LARS1: variants seen among roughly 807,000 people sequenced by gnomAD.
LARS1 encodes leucine--tRNA ligase, cytoplasmic.
In LARS1, 100 loss-of-function variants were observed where a neutral mutation model predicts 162.8. The ratio of observed to expected loss-of-function variants is 0.61; its 90% CI spans 0.52 to 0.73. The LOEUF (loss-of-function observed/expected upper bound fraction) is 0.73. Among genes scored for constraint, LARS1 ranks in the 30% least tolerant of loss-of-function variants. LARS1 has a pLI of 0.00. For synonymous variants in LARS1, 457 were observed against 462.8 expected (o/e 0.99, Z 0.16); for missense variants, 1,258 against 1,408.9 (o/e 0.89, Z 1.71).
intron 6 of LARS1, among the ~76,000 whole-genome samples, chr5:146,162,974 T>C (rs1256858690): frequency 6.6e-6 from 1 of 152,168 alleles, no homozygotes; most frequent in Admixed American, 6.5e-5. Flanking sequence ...CATACCCAGC[T>C]AATTTTTGTA....
chr5:146,136,061 T>C (rs888046335), intron 21 of LARS1, among the ~76,000 whole-genome samples: 1 of 152,248 alleles, frequency 6.6e-6, no homozygotes, highest in African/African-American at 2.4e-5. Flanking sequence ...GTTGGAGTTA[T>C]GATTTTAGGA....
intron 1 of LARS1, chr5:146,179,724 T>C (rs1277935401): frequency 4.7e-6 from 2 of 423,964 alleles, no homozygotes; most frequent in Non-Finnish European, 9.4e-6. Flanking sequence ...CTCAGCCTCC[T>C]GAATAGCTGG....
intron 5 of LARS1, among the ~76,000 whole-genome samples, chr5:146,166,553 C>T (rs1017622655): frequency 6.6e-6 from 1 of 152,118 alleles, no homozygotes; most frequent in African/African-American, 2.4e-5. Flanking sequence ...AAACAAAAAG[C>T]TCAATGGTAT....
chr5:146,130,289 G>C (rs1422780525), intron 24 of LARS1, 131 bp from the exon 25 acceptor site: 1 of 850,372 alleles, frequency 1.2e-6, no homozygotes, highest in Non-Finnish European at 1.8e-6. Flanking sequence ...ACAAATTACT[G>C]TAAAGGTTTT....
intron 14 of LARS1, among the ~76,000 whole-genome samples, chr5:146,151,217 CA>C (rs529795623): frequency 6.6e-6 from 1 of 151,354 alleles, no homozygotes; most frequent in African/African-American, 2.4e-5. Flanking sequence ...TGTGTCACTT[CA>C]AAAAAAAGAA....
chr5:146,120,396 T>G lies in LARS1; in HGVS notation c.3300A>C (p.Leu1100Phe). The G allele has an allele frequency of 1.2e-6, 2 of 1,613,348 alleles. No homozygotes were observed. The highest frequency in any genetic ancestry group is 1.7e-6 in the Non-Finnish European group (2 of 1,179,452). ...CTTTAATTCCTCGATTCATTTTCAT[T>G]AAACGCCTGATTATGGAATCACAGT... ...GDNCDSIIRR[L>F]MKMNRGIKDL... is the part of the protein sequence containing the mutation. The change falls in exon 31 of 32, where the codon TTA becomes TTC. Residue 1100 changes from leucine (L) to phenylalanine (F), a missense_variant. Physicochemically the swap from Leu to Phe is conservative, Grantham distance 22. Transcript: ENST00000394434.
intron 20 of LARS1, 24 bp from the exon 21 acceptor site, chr5:146,140,285 T>C: frequency 1.9e-6 from 3 of 1,582,442 alleles, no homozygotes; most frequent in African/African-American, 1.3e-5. Context: ...TGTTTAAAGA[T>C]AGAAAATAAA....
At position 146,181,725 on chromosome 5, in the gene LARS1, A is replaced by AT. The variant is rs996911766; in HGVS notation, c.6+762dup. Among the ~76,000 whole-genome samples the AT allele has an allele frequency of 3.3e-4, 50 of 150,788 alleles. 1 individual carries two copies. Among genetic ancestry groups the AT allele is most frequent in the Admixed American group, 1.3e-3 (20 of 15,028 alleles). On this transcript the variant is annotated intron_variant, in intron 1 of 31. Transcript: ENST00000394434. Reference sequence around the variant, plus strand: ...ACTCCCTAGCACCCCTTCCTGCTCTATTTTTTCCCCACAGCATTTATCAGC... The same window carrying AT: ...ACTCCCTAGCACCCCTTCCTGCTCTATTTTTTTCCCCACAGCATTTATCAGC...
Position 146,157,458 on chromosome 5 carries a change from T to C in LARS1, c.1010A>G (p.Gln337Arg). 1 of 1,614,224 alleles carries C rather than the reference T, an allele frequency of 6.2e-7. No individual in the cohort carries two copies. Among genetic ancestry groups the C allele is most frequent in the Non-Finnish European group, 8.5e-7 (1 of 1,180,042 alleles). Residue 337 changes from glutamine (Q) to arginine (R), a missense_variant, in exon 10 of 32, where the codon CAG becomes CGG. By Grantham distance (43) the Gln-to-Arg change is conservative (BLOSUM62 1). Transcript: ENST00000394434. Reference sequence around the variant, plus strand: ...CACGCCATTGTCTTTGGTAAAGCCCTGGTATGACATATTCCTGGCTGCTTT... The same window carrying C: ...CACGCCATTGTCTTTGGTAAAGCCCCGGTATGACATATTCCTGGCTGCTTT... ...TQKAARNMSY[Q>R]GFTKDNGVVP...
At chr5:146,175,630 G>C (rs1165256965) in intron 2 of LARS1, among the ~76,000 whole-genome samples, 1 of 151,732 alleles carries the variant, frequency 6.6e-6, no homozygotes, top group African/African-American at 2.4e-5. Flanking sequence ...ACGAGGTCAG[G>C]AGATCGAGAC....
intron 23 of LARS1, 71 bp downstream of exon 23, chr5:146,132,814 AAAGAAAAGAAAAG>A (rs754867150): frequency 4.7e-4 from 435 of 931,534 alleles, no homozygotes; most frequent in Non-Finnish European, 4.9e-4. Flanking sequence ...TAAAAAAAAA[AAAGAAAAGAAAAG>A]AAAAAGAAAA....
At chr5:146,174,565 T>TCC (rs1754456075) in intron 2 of LARS1, among the ~76,000 whole-genome samples, 1 of 80,616 alleles carries the variant, frequency 1.2e-5, no homozygotes, top group African/African-American at 3.8e-5. Flanking sequence ...CATATATATA[T>TCC]ATATCCATAT....
rs371218055 is a variant in LARS1, at chr5:146,139,040, G to GA, written c.2148+1163dup. 1,780 of 204,654 alleles carry GA rather than the reference G, an allele frequency of 8.7e-3. 20 individuals are homozygous for GA. The highest frequency in any genetic ancestry group is 0.021 in the African/African-American group (767 of 37,314). 12.7% of individuals were successfully genotyped at this position (204,654 alleles called of 1,614,324 possible). A position where few individuals can be genotyped will look rare whatever the true frequency, so the allele number is the denominator to read the frequency against. The stretch of plus-strand genomic sequence containing the variant: ...GAAAAGTCAATAAAAGTGGATTTGT[G>GA]AAAAAAAAAAAAAAAAAAATGGCCG... On this transcript the variant is annotated intron_variant, in intron 21 of 31. Coordinates refer to ENST00000394434, the MANE Select transcript of LARS1 (RefSeq NM_020117.11).
At chr5:146,182,215 ACAGC>A in intron 1 of LARS1, 1 of 499,548 alleles carries the variant, frequency 2.0e-6, no homozygotes, top group East Asian at 3.5e-5. Flanking sequence ...TGCTGGGATT[ACAGC>A]CGTGGGCCAC....
At chr5:146,119,982 C>G (rs1751745780) in intron 31 of LARS1, among the ~76,000 whole-genome samples, 1 of 152,152 alleles carries the variant, frequency 6.6e-6, no homozygotes, top group Non-Finnish European at 1.5e-5. Flanking sequence ...CTCTGTTTCT[C>G]TTCCTTCTCA....
At chr5:146,169,195 T>C (rs1754150924) in intron 4 of LARS1, among the ~76,000 whole-genome samples, 1 of 152,210 alleles carries the variant, frequency 6.6e-6, no homozygotes. Flanking sequence ...GGATAGGCTT[T>C]AAGTCAGAAA....
chr5:146,117,101 A>G (rs985326363), intron 31 of LARS1, among the ~76,000 whole-genome samples: 3 of 152,166 alleles, frequency 2.0e-5, no homozygotes, highest in Non-Finnish European at 4.4e-5. Flanking sequence ...AAGACACTTT[A>G]GATAATATTT....
chr5:146,172,616 T>C (rs1381142571), intron 3 of LARS1, 71 bp downstream of exon 3: 3 of 780,054 alleles, frequency 3.8e-6, no homozygotes, highest in African/African-American at 3.7e-5. Context: ...ATTCTATAGC[T>C]GCCATTTTCT....
chr5:146,161,486 T>C (rs1361457921), intron 6 of LARS1, among the ~76,000 whole-genome samples: 1 of 152,144 alleles, frequency 6.6e-6, no homozygotes, highest in African/African-American at 2.4e-5. Flanking sequence ...TCCAGCACTT[T>C]GGGAGGCCAA....
Sources: gnomAD v4.1 joint callset for allele counts (sites outside exome capture counted in the v4.1 genomes callset) on GRCh38, gnomAD v4.1.1 for gene constraint, MANE v1.5 for transcripts, NCBI Gene and HGNC (gene_info 2026-07-23, HGNC 2026-07-21) for gene names.